Variants in KCNC2 observed in about 807,000 individuals in gnomAD.
KCNC2 encodes potassium voltage-gated channel subfamily C member 2.
A neutral mutation model predicts 44.5 loss-of-function variants in KCNC2; 21 were observed. The ratio of observed to expected loss-of-function variants is 0.47; its 90% CI spans 0.33 to 0.68. The LOEUF (loss-of-function observed/expected upper bound fraction) is 0.68. Ranked by LOEUF, KCNC2 falls within the 30% of genes least tolerant of loss-of-function variation. KCNC2 has a pLI of 0.01. For synonymous variants in KCNC2, 391 were observed against 339.1 expected (o/e 1.15, Z -1.68); for missense variants, 589 against 826.2 (o/e 0.71, Z 3.52).
intron 2 of KCNC2, among the ~76,000 whole-genome samples, chr12:75,197,981 A>T (rs2030921169): frequency 6.6e-6 from 1 of 151,970 alleles, no homozygotes; most frequent in Admixed American, 6.6e-5. Flanking sequence ...TCACTAAATT[A>T]AAAAAATCTT....
chr12:75,056,939 A>C (rs1220873080), intron 2 of KCNC2, among the ~76,000 whole-genome samples: 2 of 152,116 alleles, frequency 1.3e-5, no homozygotes, highest in Non-Finnish European at 1.5e-5. Context: ...GAACAGAAAC[A>C]CTATATTTTT....
chr12:75,159,896 CA>C (rs1168467645), intron 2 of KCNC2, among the ~76,000 whole-genome samples: 1 of 151,848 alleles, frequency 6.6e-6, no homozygotes, highest in African/African-American at 2.4e-5. Flanking sequence ...AGGATAGGGA[CA>C]GTGATTGACC....
intron 2 of KCNC2, among the ~76,000 whole-genome samples, chr12:75,130,771 C>T (rs1302613472): frequency 1.4e-5 from 2 of 143,360 alleles, no homozygotes; most frequent in Admixed American, 6.9e-5. Context: ...TGTGAAAGGA[C>T]TCCTAGTAAT....
intron 2 of KCNC2, among the ~76,000 whole-genome samples, chr12:75,084,992 C>A (rs1277965676): frequency 1.4e-5 from 2 of 147,798 alleles, no homozygotes; most frequent in African/African-American, 5.0e-5. Context: ...AAATGCAAAT[C>A]AGTAAAGGAC....
chr12:75,048,894 CT>C (rs1483000611), intron 3 of KCNC2, among the ~76,000 whole-genome samples: 1 of 152,072 alleles, frequency 6.6e-6, no homozygotes, highest in East Asian at 1.9e-4. Context: ...TCCAAATGTC[CT>C]TGAAATAAGT....
At chr12:75,170,463 AG>A (rs781039127) in intron 2 of KCNC2, among the ~76,000 whole-genome samples, 16 of 151,798 alleles carry the variant, frequency 1.1e-4, no homozygotes, top group Admixed American at 2.0e-4. Context: ...GAATACAGAT[AG>A]GTTATCTAAT....
intron 2 of KCNC2, among the ~76,000 whole-genome samples, chr12:75,138,317 A>G (rs1409402620): frequency 6.6e-6 from 1 of 152,204 alleles, no homozygotes; most frequent in Non-Finnish European, 1.5e-5. Context: ...TCAGCCTTAA[A>G]ATATCTTTTT....
intron 2 of KCNC2, among the ~76,000 whole-genome samples, chr12:75,111,546 A>T (rs893187049): frequency 2.0e-5 from 3 of 152,042 alleles, no homozygotes; most frequent in Non-Finnish European, 4.4e-5. Context: ...CCTTTTTACA[A>T]GGTGATACCA....
At chr12:75,105,195 A>G (rs1239961130) in intron 2 of KCNC2, among the ~76,000 whole-genome samples, 1 of 152,210 alleles carries the variant, frequency 6.6e-6, no homozygotes, top group Non-Finnish European at 1.5e-5. Flanking sequence ...AGAGTGACAT[A>G]TAAGGAAAAG....
At chr12:75,090,356 C>A (rs1230291334) in intron 2 of KCNC2, among the ~76,000 whole-genome samples, 1 of 151,466 alleles carries the variant, frequency 6.6e-6, no homozygotes, top group African/African-American at 2.4e-5. Flanking sequence ...GGCCATTATG[C>A]CCTTTTTTAC....
chr12:75,062,487 GT>G (rs1882444850), intron 2 of KCNC2, among the ~76,000 whole-genome samples: 2 of 151,868 alleles, frequency 1.3e-5, no homozygotes, highest in African/African-American at 2.4e-5. Context: ...CCAAATGCTG[GT>G]TCTACACAAG....
chr12:75,080,213 A>C (rs1221948752), intron 2 of KCNC2, among the ~76,000 whole-genome samples: 1 of 152,146 alleles, frequency 6.6e-6, no homozygotes, highest in Non-Finnish European at 1.5e-5. Context: ...TTTAATCACA[A>C]ATGTAGAAAA....
chr12:75,069,129 C>CTTTTTTTTTTTTTTTTTTTTTTT lies in KCNC2; in HGVS notation c.688-17813_688-17812insAAAAAAAAAAAAAAAAAAAAAAA, dbSNP rs1158151551. On this transcript the variant is annotated intron_variant, in intron 2 of 4. Transcript: ENST00000549446. ...AAAAACAGTTTCAATTTTATATAATCTTTTTTTTTTTTTTTTTTTTTTGAG... is the reference window on the plus strand; with the variant it reads ...AAAAACAGTTTCAATTTTATATAATCTTTTTTTTTTTTTTTTTTTTTTTTTTTTTTTTTTTTTTTTTTTTTGAG... Among the ~76,000 whole-genome samples, 2 of 63,648 alleles carry CTTTTTTTTTTTTTTTTTTTTTTT rather than the reference C, an allele frequency of 3.1e-5. 1 individual carries two copies. Among genetic ancestry groups the CTTTTTTTTTTTTTTTTTTTTTTT allele is most frequent in the Non-Finnish European group, 5.5e-5 (2 of 36,252 alleles). 41.8% of individuals were successfully genotyped at this position (63,648 alleles called of 152,430 possible).
intron 2 of KCNC2, among the ~76,000 whole-genome samples, chr12:75,180,362 A>G (rs1303709532): frequency 1.3e-5 from 2 of 151,768 alleles, no homozygotes; most frequent in Non-Finnish European, 3.0e-5. Flanking sequence ...CTCCTATTAG[A>G]TTTGTGTAAA....
chr12:75,165,365 C>T (rs934620227), intron 2 of KCNC2, among the ~76,000 whole-genome samples: 2 of 151,460 alleles, frequency 1.3e-5, no homozygotes, highest in African/African-American at 4.8e-5. Context: ...TCCGCTCTTA[C>T]TAATCCAAAA....
intron 2 of KCNC2, among the ~76,000 whole-genome samples, chr12:75,054,809 T>A (rs1485225373): frequency 6.6e-6 from 1 of 152,168 alleles, no homozygotes; most frequent in African/African-American, 2.4e-5. Flanking sequence ...GAACTCAGTT[T>A]GTTAGCAATT....
intron 2 of KCNC2, among the ~76,000 whole-genome samples, chr12:75,159,377 A>C (rs1235918850): frequency 1.3e-5 from 2 of 151,836 alleles, no homozygotes; most frequent in African/African-American, 4.8e-5. Context: ...CCCCCAATAA[A>C]AGTTCCTTAA....
intron 2 of KCNC2, among the ~76,000 whole-genome samples, chr12:75,143,843 A>G (rs1294645036): frequency 6.6e-6 from 1 of 152,164 alleles, no homozygotes; most frequent in African/African-American, 2.4e-5. Context: ...GAAAACTCTT[A>G]TTATGTATAA....
chr12:75,208,770 C>T (rs1432010792), intron 1 of KCNC2, among the ~76,000 whole-genome samples: 1 of 152,116 alleles, frequency 6.6e-6, no homozygotes, highest in Admixed American at 6.5e-5. Flanking sequence ...TGCTTTTCAC[C>T]TAGGAGACCT....
Sources: allele counts gnomAD v4.1 joint callset (sites outside exome capture counted in the v4.1 genomes callset), GRCh38; gene constraint gnomAD v4.1.1; transcripts MANE v1.5; gene names NCBI Gene and HGNC (gene_info 2026-07-23, HGNC 2026-07-21).